OR2L13: variants seen among roughly 807,000 people sequenced by gnomAD.
OR2L13 encodes the protein olfactory receptor 2L13.
Under a neutral mutation model 15.3 loss-of-function variants are expected in OR2L13, and 14 were observed. The ratio of observed to expected loss-of-function variants is 0.91; its 90% CI spans 0.60 to 1.43. The LOEUF (loss-of-function observed/expected upper bound fraction) is 1.43, where lower values mean the gene tolerates loss of function less well. Ranked by LOEUF, OR2L13 falls within the 40% of genes most tolerant of loss-of-function variation. The pLI, the probability that OR2L13 is intolerant of heterozygous loss-of-function variation, is 0.00. For missense variants in OR2L13, 367 were observed against 387.9 expected (o/e 0.95, Z 0.45); for synonymous variants, 152 against 142.9 (o/e 1.06, Z -0.45).
the OR2L13 span, among the ~76,000 whole-genome samples, chr1:247,947,829 A>G: frequency 0.032 from 4,818 of 152,286 alleles, 239 homozygotes; most frequent in African/African-American, 0.11. Flanking sequence ...ATTATAACTG[A>G]CAAAAGAAGT....
At chr1:247,994,282 G>A in the OR2L13 span, among the ~76,000 whole-genome samples, 5,272 of 152,030 alleles carry the variant, frequency 0.035, 245 homozygotes, top group African/African-American at 0.12. Context: ...CTGTAGTCCC[G>A]GCTGCTTGAG....
At chr1:248,054,039 A>G in the OR2L13 span, among the ~76,000 whole-genome samples, 1 of 152,112 alleles carries the variant, frequency 6.6e-6, no homozygotes, top group Non-Finnish European at 1.5e-5. Flanking sequence ...TCCCATGCCT[A>G]CTTCCTGAAT....
chr1:248,097,632 A>C (rs907451139), intron 1 of OR2L13, among the ~76,000 whole-genome samples: 4 of 152,220 alleles, frequency 2.6e-5, no homozygotes, highest in African/African-American at 9.6e-5. Flanking sequence ...TAGTCTATGC[A>C]ACAAAGAATC....
At chr1:248,079,619 A>C in the OR2L13 span, among the ~76,000 whole-genome samples, 1 of 152,188 alleles carries the variant, frequency 6.6e-6, no homozygotes, top group African/African-American at 2.4e-5. Context: ...ATATAGACAA[A>C]GGGTAAAACA....
the OR2L13 span, among the ~76,000 whole-genome samples, chr1:248,024,436 C>G: frequency 3.9e-5 from 6 of 152,048 alleles, no homozygotes; most frequent in African/African-American, 1.4e-4. Flanking sequence ...TATAAAACTA[C>G]ATTTTGTCTT....
At chr1:248,022,560 T>C in the OR2L13 span, 1 of 1,614,210 alleles carries the variant, frequency 6.2e-7, no homozygotes, top group African/African-American at 1.3e-5. Context: ...CAGCACCATC[T>C]TTCTTGTGTT....
the OR2L13 span, chr1:247,975,228 C>T: frequency 1.3e-4 from 54 of 408,662 alleles, no homozygotes; most frequent in African/African-American, 9.6e-4. Flanking sequence ...ATATATGCCC[C>T]ATATCCCTGT....
the OR2L13 span, among the ~76,000 whole-genome samples, chr1:248,066,147 G>T: frequency 2.4e-4 from 36 of 152,150 alleles, no homozygotes; most frequent in African/African-American, 8.4e-4. Flanking sequence ...AATTTTTTCT[G>T]CAACTTATCA....
At chr1:247,991,752 G>A in the OR2L13 span, among the ~76,000 whole-genome samples, 13,060 of 149,256 alleles carry the variant, frequency 0.088, 1,594 homozygotes, top group East Asian at 0.18. Context: ...AGCATGACTT[G>A]GGATCAGCTC....
At chr1:248,044,553 C>T in the OR2L13 span, among the ~76,000 whole-genome samples, 1 of 127,980 alleles carries the variant, frequency 7.8e-6, no homozygotes, top group Non-Finnish European at 1.5e-5. Context: ...CCTGTAATCC[C>T]AGCACTTTGG....
the OR2L13 span, among the ~76,000 whole-genome samples, chr1:247,946,931 C>G: frequency 1.3e-5 from 2 of 152,054 alleles, no homozygotes; most frequent in African/African-American, 4.8e-5. Context: ...AGAATACTAA[C>G]TTCACTATTA....
At chr1:248,056,917 T>C in the OR2L13 span, among the ~76,000 whole-genome samples, 1 of 152,078 alleles carries the variant, frequency 6.6e-6, no homozygotes, top group Admixed American at 6.6e-5. Context: ...CCCAAAGTGC[T>C]GGGATTACAG....
chr1:248,075,553 C>A, the OR2L13 span, among the ~76,000 whole-genome samples: 1 of 152,048 alleles, frequency 6.6e-6, no homozygotes, highest in Non-Finnish European at 1.5e-5. Context: ...TTCTAACTGG[C>A]GTGAGATGGT....
chr1:248,059,778 C>G, the OR2L13 span, among the ~76,000 whole-genome samples: 1 of 152,114 alleles, frequency 6.6e-6, no homozygotes, highest in South Asian at 2.1e-4. Flanking sequence ...GGTGGGGAAG[C>G]TCATGACTGC....
At chr1:248,068,014 C>T in the OR2L13 span, among the ~76,000 whole-genome samples, 1 of 152,224 alleles carries the variant, frequency 6.6e-6, no homozygotes, top group African/African-American at 2.4e-5. Flanking sequence ...GGGTGGAGCC[C>T]ACCACAGCTC....
At chr1:248,086,031 A>G in the OR2L13 span, among the ~76,000 whole-genome samples, 1 of 152,338 alleles carries the variant, frequency 6.6e-6, no homozygotes, top group African/African-American at 2.4e-5. Flanking sequence ...TTACTAAAAA[A>G]AAATTACATG....
At chr1:248,035,089 C>A in the OR2L13 span, among the ~76,000 whole-genome samples, 1 of 146,708 alleles carries the variant, frequency 6.8e-6, no homozygotes, top group African/African-American at 2.5e-5. Flanking sequence ...GGCTGAACTT[C>A]CAGTAATATG....
chr1:247,961,310 A>G, the OR2L13 span, among the ~76,000 whole-genome samples: 1 of 152,164 alleles, frequency 6.6e-6, no homozygotes, highest in South Asian at 2.1e-4. Flanking sequence ...GGAAGACCAC[A>G]TTGCATAGGT....
At chr1:247,946,819 C>A in the OR2L13 span, among the ~76,000 whole-genome samples, 1 of 152,084 alleles carries the variant, frequency 6.6e-6, no homozygotes, top group South Asian at 2.1e-4. Context: ...GAGGGGTTGA[C>A]AACATCATTT....
Sources: gnomAD v4.1 joint callset for allele counts (sites outside exome capture counted in the v4.1 genomes callset) on GRCh38, gnomAD v4.1.1 for gene constraint, MANE v1.5 for transcripts, NCBI Gene and HGNC (gene_info 2026-07-23, HGNC 2026-07-21) for gene names.